TYW1B: variants seen among roughly 807,000 people sequenced by gnomAD.
TYW1B encodes the protein S-adenosyl-L-methionine-dependent tRNA 4-demethylwyosine synthase TYW1B.
Under a neutral mutation model 86.9 loss-of-function variants are expected in TYW1B, and 73 were observed. The ratio of observed to expected loss-of-function variants is 0.84; its 90% CI spans 0.70 to 1.02. TYW1B has a LOEUF of 1.02. TYW1B is among the 50% of genes least tolerant of loss of function. TYW1B has a pLI of 0.00. For synonymous variants in TYW1B, 248 were observed against 292.8 expected (o/e 0.85, Z 1.56); for missense variants, 637 against 827.4 (o/e 0.77, Z 2.82).
intron 8 of TYW1B, among the ~76,000 whole-genome samples, chr7:72,730,784 G>A (rs1368412090): frequency 9.2e-5 from 14 of 151,930 alleles, no homozygotes; most frequent in African/African-American, 3.4e-4. Flanking sequence ...TTTGCATTTA[G>A]GAATTCCAGA....
intron 11 of TYW1B, among the ~76,000 whole-genome samples, chr7:72,674,714 A>C (rs1332771175): frequency 2.0e-5 from 3 of 151,704 alleles, no homozygotes; most frequent in African/African-American, 7.3e-5. Flanking sequence ...TAGGCTATCA[A>C]ATATAATCTT....
chr7:72,795,611 G>C (rs537384353), intron 6 of TYW1B, among the ~76,000 whole-genome samples: 428 of 150,400 alleles, frequency 2.8e-3, no homozygotes, highest in Non-Finnish European at 4.3e-3. Context: ...TTGGTTGGTT[G>C]GTGTAGGTGG....
chr7:72,675,239 A>C (rs1813708251), intron 11 of TYW1B, among the ~76,000 whole-genome samples: 1 of 152,038 alleles, frequency 6.6e-6, no homozygotes, highest in Non-Finnish European at 1.5e-5. Flanking sequence ...TCTCTACTAA[A>C]AACACAAAAA....
chr7:72,762,764 A>T (rs546946070), intron 7 of TYW1B, among the ~76,000 whole-genome samples: 2 of 151,956 alleles, frequency 1.3e-5, no homozygotes, highest in African/African-American at 4.8e-5. Flanking sequence ...GGTTCAAGCA[A>T]TTCTCCTGCC....
intron 13 of TYW1B, among the ~76,000 whole-genome samples, chr7:72,578,673 G>A (rs1254872322): frequency 6.6e-6 from 1 of 152,092 alleles, no homozygotes; most frequent in Non-Finnish European, 1.5e-5. Context: ...CATCAACATG[G>A]GCCAACTGGG....
intron 13 of TYW1B, among the ~76,000 whole-genome samples, chr7:72,597,836 A>G (rs1174587867): frequency 9.9e-5 from 15 of 152,034 alleles, no homozygotes; most frequent in African/African-American, 3.6e-4. Context: ...AAAATTATCT[A>G]TAGAAGGCAG....
At chr7:72,649,285 A>G (rs576834524) in intron 11 of TYW1B, among the ~76,000 whole-genome samples, 2 of 152,358 alleles carry the variant, frequency 1.3e-5, no homozygotes, top group South Asian at 4.1e-4. Flanking sequence ...GAAAGATGCA[A>G]CTATAAAATC....
chr7:72,827,854 G>T (rs1194213127), intron 1 of TYW1B, among the ~76,000 whole-genome samples: 2 of 152,164 alleles, frequency 1.3e-5, no homozygotes, highest in African/African-American at 4.8e-5. Flanking sequence ...AAAGTGGGAG[G>T]GGTAGTTTTC....
intron 11 of TYW1B, among the ~76,000 whole-genome samples, chr7:72,633,730 T>C (rs1374704043): frequency 6.6e-6 from 1 of 152,124 alleles, no homozygotes; most frequent in Non-Finnish European, 1.5e-5. Context: ...TCACCTATGT[T>C]GCTCCATGTT....
At chr7:72,728,684 A>G (rs1217999348) in intron 9 of TYW1B, 138 bp downstream of exon 9, 4 of 831,820 alleles carry the variant, frequency 4.8e-6, no homozygotes, top group Non-Finnish European at 7.4e-6. Context: ...TATATATAAT[A>G]TTCCTACGAA....
chr7:72,818,578 C>CAAAAAAAAAAAAAAAA (rs57325230), intron 2 of TYW1B, among the ~76,000 whole-genome samples: 1 of 38,432 alleles, frequency 2.6e-5, no homozygotes, highest in Non-Finnish European at 5.2e-5. Context: ...GACTCCATCT[C>CAAAAAAAAAAAAAAAA]AAAAAAAAAA....
At chr7:72,664,309 T>A (rs553002557) in intron 11 of TYW1B, among the ~76,000 whole-genome samples, 1 of 152,342 alleles carries the variant, frequency 6.6e-6, no homozygotes, top group African/African-American at 2.4e-5. Context: ...TCCTTCTTCC[T>A]AATTTCCATA....
At chr7:72,635,591 G>A (rs1236795181) in intron 11 of TYW1B, among the ~76,000 whole-genome samples, 3 of 152,196 alleles carry the variant, frequency 2.0e-5, no homozygotes, top group Non-Finnish European at 4.4e-5. Context: ...AGTGGAGCAA[G>A]TTCTCTTATG....
chr7:72,791,889 G>A (rs1300864569), intron 6 of TYW1B, among the ~76,000 whole-genome samples: 10 of 152,140 alleles, frequency 6.6e-5, no homozygotes, highest in Non-Finnish European at 1.5e-4. Context: ...AAAGCTTTCA[G>A]GGAGCTCTGT....
rs151090747 is a variant in TYW1B at position 72,754,949 on chromosome 7, G to A, written c.965-10348C>T. ...TTATGTATGTGATATTATATTATCC[G>A]TAAATTTACTTTAACAATAGTATAG... is the stretch of plus-strand genomic sequence containing the variant. On this transcript the variant is annotated intron_variant, in intron 7 of 13. Transcript: ENST00000620995. Among the ~76,000 whole-genome samples, 473 of 152,094 alleles carry A rather than the reference G, an allele frequency of 3.1e-3. 3 individuals are homozygous for A. Among genetic ancestry groups the A allele is most frequent in the African/African-American group, 0.01 (426 of 41,484 alleles).
At chr7:72,605,572 T>C (rs1554434701) in intron 13 of TYW1B, among the ~76,000 whole-genome samples, 2 of 152,110 alleles carry the variant, frequency 1.3e-5, no homozygotes, top group Non-Finnish European at 2.9e-5. Flanking sequence ...CAGGCTGGTC[T>C]CGAACTTCTG....
chr7:72,801,647 A>G (rs1788405222), intron 6 of TYW1B, among the ~76,000 whole-genome samples: 1 of 152,008 alleles, frequency 6.6e-6, no homozygotes, highest in Non-Finnish European at 1.5e-5. Flanking sequence ...ATAGTATAGT[A>G]TGTACAATAT....
At chr7:72,766,369 T>C (rs1787769292) in intron 7 of TYW1B, among the ~76,000 whole-genome samples, 1 of 150,800 alleles carries the variant, frequency 6.6e-6, no homozygotes, top group African/African-American at 2.4e-5. Flanking sequence ...TAATCCCACC[T>C]TTGGGAGGCC....
intron 13 of TYW1B, among the ~76,000 whole-genome samples, chr7:72,579,642 A>C (rs1229067805): frequency 6.6e-6 from 1 of 151,806 alleles, no homozygotes; most frequent in Non-Finnish European, 1.5e-5. Flanking sequence ...GGGCCCTCTC[A>C]TGTCTCTTCT....
Sources: allele counts gnomAD v4.1 joint callset (sites outside exome capture counted in the v4.1 genomes callset), GRCh38; gene constraint gnomAD v4.1.1; transcripts MANE v1.5; gene names NCBI Gene and HGNC (gene_info 2026-07-23, HGNC 2026-07-21).